The following FAM117B variants were observed in gnomAD, a reference collection of about 807,000 sequenced individuals.
The protein encoded by FAM117B is protein FAM117B.
In FAM117B, 22 loss-of-function variants were observed where a neutral mutation model predicts 52.8. The ratio of observed to expected loss-of-function variants is 0.42; its 90% CI spans 0.30 to 0.59. The LOEUF (loss-of-function observed/expected upper bound fraction) is 0.59, where lower values mean the gene tolerates loss of function less well. FAM117B is among the 20% of genes least tolerant of loss of function. The probability of loss-of-function intolerance (pLI) is 0.22; values close to 1 mark genes in which losing one functional copy is unlikely to be tolerated. For missense variants in FAM117B, 678 were observed against 802.6 expected (o/e 0.84, Z 1.88); for synonymous variants, 309 against 324.1 (o/e 0.95, Z 0.50).
At chr2:202,697,168 T>C (rs1400182511) in intron 2 of FAM117B, among the ~76,000 whole-genome samples, 1 of 152,226 alleles carries the variant, frequency 6.6e-6, no homozygotes, top group Non-Finnish European at 1.5e-5. Context: ...AGTTGAAGAC[T>C]GCATCTTAGT....
At chr2:202,725,299 CTT>C (rs11432596) in intron 3 of FAM117B, 277 of 148,618 alleles carry the variant, frequency 1.9e-3, no homozygotes, top group South Asian at 7.6e-3. Flanking sequence ...CACATTTATT[CTT>C]TTTTTTTTTT....
At chr2:202,683,114 G>C (rs148895317) in intron 1 of FAM117B, among the ~76,000 whole-genome samples, 3,792 of 152,254 alleles carry the variant, frequency 0.025, 178 homozygotes, top group African/African-American at 0.087. Context: ...GATCACCTGA[G>C]GTCAGGAGTT....
At chr2:202,644,759 C>G (rs570525505) in intron 1 of FAM117B, among the ~76,000 whole-genome samples, 1 of 152,342 alleles carries the variant, frequency 6.6e-6, no homozygotes, top group African/African-American at 2.4e-5. Context: ...GAAAGCACTT[C>G]ATCTTCTAGC....
In FAM117B at chr2:202,746,958, CA is replaced by C. The variant is rs200946435; in HGVS notation, c.961-8576del. On this transcript the variant is annotated intron_variant, in intron 4 of 7. Coordinates refer to ENST00000392238, the MANE Select transcript of FAM117B (RefSeq NM_173511.4). ...CAACAGCCACCACCGGAAAAAAAAA[CA>C]AAACAAAAAAAAACACAAAAACCCA... 3.8e-3 allele frequency among the ~76,000 whole-genome samples: 344 copies of C among 91,312 alleles called. 1 individual carries two copies. Among genetic ancestry groups the C allele is most frequent in the African/African-American group, 0.011 (320 of 27,922 alleles). 59.9% of individuals were successfully genotyped at this position (91,312 alleles called of 152,430 possible). A position where few individuals can be genotyped will look rare whatever the true frequency, so the allele number is the denominator to read the frequency against.
intron 1 of FAM117B, among the ~76,000 whole-genome samples, chr2:202,640,669 G>C (rs1011139307): frequency 2.0e-5 from 3 of 151,616 alleles, no homozygotes; most frequent in African/African-American, 7.3e-5. Context: ...GAGTGTAGTG[G>C]CACGATCTCG....
Position 202,724,252 on chromosome 2 carries a change from T to C in FAM117B, c.754-665T>C, listed in dbSNP as rs557272045. ...TAGAGACAAGGTTTCACCATGCTGGTCAGGCTGTTCTCGAACTCCTGACCT... is the reference window on the plus strand; with the variant it reads ...TAGAGACAAGGTTTCACCATGCTGGCCAGGCTGTTCTCGAACTCCTGACCT... On this transcript the variant is annotated intron_variant, in intron 2 of 7. Transcript: ENST00000392238. Among the ~76,000 whole-genome samples the C allele has an allele frequency of 4.6e-5, 7 of 152,064 alleles. No homozygotes were observed. The South Asian group carries it at 1.5e-3, about 32-fold the overall frequency.
rs144747905 is a variant in FAM117B, at chr2:202,687,618, C to T, written c.602-8263C>T. Among the ~76,000 whole-genome samples the T allele has an allele frequency of 3.3e-5, 5 of 152,210 alleles. No homozygotes were observed. The East Asian group carries it at 9.6e-4, about 29-fold the overall frequency. On this transcript the variant is annotated intron_variant, in intron 1 of 7. Transcript: ENST00000392238. ...AGAGATGGGGGTCTTACTGTGTTGC[C>T]CAGATTTGTCTCAAACTCCTAGCCA... is the stretch of plus-strand genomic sequence containing the variant.
chr2:202,733,461 C>G (rs1691389450), intron 4 of FAM117B, among the ~76,000 whole-genome samples: 1 of 152,118 alleles, frequency 6.6e-6, no homozygotes, highest in South Asian at 2.1e-4. Context: ...TATTTCAGTC[C>G]TCATCTCAAC....
chr2:202,716,677 C>T (rs1392458578), intron 2 of FAM117B, among the ~76,000 whole-genome samples: 4 of 152,022 alleles, frequency 2.6e-5, no homozygotes, highest in Admixed American at 6.6e-5. Flanking sequence ...TTTCTAGATC[C>T]GGTAGGCATG....
In FAM117B at chr2:202,728,671, A is replaced by G. The variant is rs1369461428; in HGVS notation, c.960+2308A>G. Among the ~76,000 whole-genome samples, 3 of 152,314 alleles carry G rather than the reference A, an allele frequency of 2.0e-5. No individual in the cohort carries two copies. The East Asian group carries it at 5.8e-4, about 29-fold the overall frequency. ...AGAATAGGGATTAGGATGGAATTTT[A>G]TTGAATTAAGTGGCTAGTTTTAGGA... On this transcript the variant is annotated intron_variant, in intron 4 of 7. Transcript: ENST00000392238.
chr2:202,753,877 T>C (rs1057382775), intron 4 of FAM117B, among the ~76,000 whole-genome samples: 4 of 151,854 alleles, frequency 2.6e-5, no homozygotes, highest in Non-Finnish European at 5.9e-5. Flanking sequence ...CAGAAAACAA[T>C]AGATGCTGGT....
intron 1 of FAM117B, among the ~76,000 whole-genome samples, chr2:202,680,673 A>G (rs1690449326): frequency 6.6e-6 from 1 of 152,240 alleles, no homozygotes; most frequent in Non-Finnish European, 1.5e-5. Context: ...ACAATGTAAG[A>G]CAGAGCAAAA....
intron 1 of FAM117B, among the ~76,000 whole-genome samples, chr2:202,640,613 G>A (rs1298837746): frequency 6.6e-6 from 1 of 151,340 alleles, no homozygotes; most frequent in Admixed American, 6.6e-5. Flanking sequence ...CACATTCAAG[G>A]GAATTCTTTT....
intron 1 of FAM117B, among the ~76,000 whole-genome samples, chr2:202,641,962 TA>T (rs1221177802): frequency 6.8e-6 from 1 of 146,768 alleles, no homozygotes; most frequent in Non-Finnish European, 1.5e-5. Context: ...TTTTTTTTTT[TA>T]TCGGAGTCTT....
chr2:202,765,726 C>G lies in FAM117B; in HGVS notation c.1732C>G (p.Leu578Val). Residue 578 changes from leucine (L) to valine (V), a missense_variant, in exon 8 of 8, where the codon CTC becomes GTC. Leu to Val is a conservative substitution (Grantham distance 32). Coordinates refer to ENST00000392238, the MANE Select transcript of FAM117B (RefSeq NM_173511.4). The part of the protein sequence containing the change: ...TSTVMPSASL[L>V]PPPEPIEEAE... ...TACAGTCATGCCATCAGCTTCTCTA[C>G]TCCCACCACCAGAACCAATTGAGGA... The G allele has an allele frequency of 6.2e-7, 1 of 1,614,150 alleles. No individual in the cohort carries two copies. The highest frequency in any genetic ancestry group is 8.5e-7 in the Non-Finnish European group (1 of 1,180,014).
At chr2:202,722,897 G>C (rs1691176901) in intron 2 of FAM117B, among the ~76,000 whole-genome samples, 1 of 151,930 alleles carries the variant, frequency 6.6e-6, no homozygotes, top group Non-Finnish European at 1.5e-5. Context: ...TTTGATTTTG[G>C]TTTTTGATTT....
chr2:202,642,611 G>A (rs1452576022), intron 1 of FAM117B, among the ~76,000 whole-genome samples: 2 of 152,204 alleles, frequency 1.3e-5, no homozygotes, highest in South Asian at 4.1e-4. Context: ...GATGTATTTG[G>A]TTTGTGCTCT....
intron 7 of FAM117B, among the ~76,000 whole-genome samples, chr2:202,762,138 T>C (rs1356244056): frequency 6.6e-6 from 1 of 152,198 alleles, no homozygotes; most frequent in Admixed American, 6.5e-5. Flanking sequence ...GGGTAGATTG[T>C]TGGTCCCAAT....
intron 1 of FAM117B, among the ~76,000 whole-genome samples, chr2:202,661,217 G>T (rs1690123115): frequency 6.6e-6 from 1 of 152,164 alleles, no homozygotes; most frequent in South Asian, 2.1e-4. Context: ...TGCTGTCCGG[G>T]TTTTTAGTGA....
Sources: allele counts gnomAD v4.1 joint callset (sites outside exome capture counted in the v4.1 genomes callset), GRCh38; gene constraint gnomAD v4.1.1; transcripts MANE v1.5; gene names NCBI Gene and HGNC (gene_info 2026-07-23, HGNC 2026-07-21).